The following PRRG4 variants were observed in gnomAD, a reference collection of about 807,000 sequenced individuals.
PRRG4 encodes the protein proline rich and Gla domain 4.
Under a neutral mutation model 20.0 loss-of-function variants are expected in PRRG4, and 12 were observed. The observed-to-expected ratio is 0.60, with a 90% CI of 0.38 to 0.97. The LOEUF (loss-of-function observed/expected upper bound fraction) is 0.97, where lower values mean the gene tolerates loss of function less well. Ranked by LOEUF, PRRG4 falls within the 50% of genes least tolerant of loss-of-function variation. The pLI, the probability that PRRG4 is intolerant of heterozygous loss-of-function variation, is 0.00. For synonymous variants in PRRG4, 94 were observed against 96.4 expected (o/e 0.98, Z 0.15); for missense variants, 199 against 265.1 (o/e 0.75, Z 1.73).
At chr11:32,843,510 C>T (rs1305529343) in intron 5 of PRRG4, among the ~76,000 whole-genome samples, 2 of 151,894 alleles carry the variant, frequency 1.3e-5, no homozygotes, top group South Asian at 2.1e-4. Flanking sequence ...AACCTAATAA[C>T]ATATTTTATG....
intron 5 of PRRG4, among the ~76,000 whole-genome samples, chr11:32,845,501 G>A (rs1030416355): frequency 1.1e-4 from 16 of 152,016 alleles, no homozygotes; most frequent in African/African-American, 3.6e-4. Context: ...GCGTGATGGC[G>A]GGTGCCTGTA....
At chr11:32,847,289 T>C (rs1007939294) in intron 5 of PRRG4, among the ~76,000 whole-genome samples, 1 of 151,748 alleles carries the variant, frequency 6.6e-6, no homozygotes, top group African/African-American at 2.4e-5. Context: ...AAGAGACTAA[T>C]AACCCACGTT....
intron 2 of PRRG4, among the ~76,000 whole-genome samples, chr11:32,833,689 C>T (rs1214931524): frequency 2.0e-5 from 3 of 152,178 alleles, no homozygotes; most frequent in Non-Finnish European, 4.4e-5. Flanking sequence ...CCAAGAGTTT[C>T]CTCCCACTAT....
chr11:32,857,275 C>G lies in PRRG4; in HGVS notation c.*3748C>G, dbSNP rs1158853960. On this transcript the variant is annotated 3_prime_UTR_variant, in exon 6 of 6. Transcript: ENST00000257836. ...CAAGGATTTCTCCTGCCTCAGCCTC[C>G]TGAGTAGCTGCATTACAGGCACCTG... is the stretch of plus-strand genomic sequence containing the variant. 6.6e-6 allele frequency: 1 copy of G among 152,280 alleles called. No homozygotes were observed. Among genetic ancestry groups the G allele is most frequent in the African/African-American group, 2.4e-5 (1 of 41,374 alleles). The allele number at this position is 152,280 out of a possible 1,614,324, so 9.4% of individuals were successfully genotyped here.
At chr11:32,844,793 A>C (rs1851113337) in intron 5 of PRRG4, among the ~76,000 whole-genome samples, 1 of 152,032 alleles carries the variant, frequency 6.6e-6, no homozygotes. Context: ...GAGCCACTGC[A>C]CCCGGCCCAG....
intron 5 of PRRG4, among the ~76,000 whole-genome samples, chr11:32,850,104 T>G (rs180722525): frequency 1.3e-5 from 2 of 152,366 alleles, no homozygotes; most frequent in Non-Finnish European, 2.9e-5. Flanking sequence ...CTTCTTTTCT[T>G]CTTTTTCACC....
chr11:32,832,552 C>G (rs1175017294), intron 2 of PRRG4, among the ~76,000 whole-genome samples: 2 of 144,352 alleles, frequency 1.4e-5, no homozygotes, highest in Non-Finnish European at 3.0e-5. Flanking sequence ...GTGATCACGG[C>G]TCACTGCAAC....
Position 32,840,548 on chromosome 11 carries a change from C to A in PRRG4, c.449+309C>A, listed in dbSNP as rs1851067823. Among the ~76,000 whole-genome samples the A allele has an allele frequency of 1.3e-5, 2 of 152,192 alleles. No homozygotes were observed. The highest frequency in any genetic ancestry group is 2.9e-5 in the Non-Finnish European group (2 of 68,024). On this transcript the variant is annotated intron_variant, in intron 5 of 5. Coordinates refer to ENST00000257836, the MANE Select transcript of PRRG4 (RefSeq NM_024081.6). The surrounding 1 kb of genome is among the most constrained non-coding windows in gnomAD (Gnocchi z 4.1). ...CAGTTTTCCCACTGGTGTTTTCCTT[C>A]TGCTGCAGGATCCAGTCAAGTTACC...
intron 5 of PRRG4, among the ~76,000 whole-genome samples, chr11:32,841,986 A>T (rs1420683304): frequency 2.6e-5 from 4 of 152,204 alleles, no homozygotes; most frequent in African/African-American, 9.6e-5. Flanking sequence ...TGGCATCAAA[A>T]ATTATTTTTA....
In PRRG4 at chr11:32,838,937, CAAG is replaced by C; in HGVS notation, c.316+10_316+12del. Reference sequence around the variant, plus strand: ...GGACCAACCACAAAATCAGGTAAAACAAGAATTGATCAAATTTAATGCTTTTCT... The same window carrying C: ...GGACCAACCACAAAATCAGGTAAAACAATTGATCAAATTTAATGCTTTTCT... On this transcript the variant is annotated splice_region_variant and intron_variant, in intron 4 of 5. Coordinates refer to ENST00000257836, the MANE Select transcript of PRRG4 (RefSeq NM_024081.6). 6.3e-7 allele frequency: 1 copy of C among 1,589,496 alleles called. No individual in the cohort carries two copies. The highest frequency in any genetic ancestry group is 8.6e-7 in the Non-Finnish European group (1 of 1,157,938).
chr11:32,836,411 T>G (rs1346210416), intron 2 of PRRG4, among the ~76,000 whole-genome samples: 1 of 152,172 alleles, frequency 6.6e-6, no homozygotes, highest in African/African-American at 2.4e-5. Flanking sequence ...TAATTTTTAC[T>G]TATACTATTA....
intron 2 of PRRG4, among the ~76,000 whole-genome samples, chr11:32,836,033 C>T (rs1333351111): frequency 6.6e-6 from 1 of 151,956 alleles, no homozygotes; most frequent in Non-Finnish European, 1.5e-5. Flanking sequence ...ACCCAGGAGG[C>T]GGAGATTGCA....
intron 4 of PRRG4, among the ~76,000 whole-genome samples, chr11:32,839,548 T>C (rs925775135): frequency 1.3e-5 from 2 of 151,464 alleles, no homozygotes; most frequent in African/African-American, 4.8e-5. Context: ...TCCCACTTAA[T>C]GCTGAATATT....
chr11:32,842,936 C>T (rs754718428), intron 5 of PRRG4, among the ~76,000 whole-genome samples: 4 of 151,658 alleles, frequency 2.6e-5, no homozygotes, highest in Non-Finnish European at 5.9e-5. Flanking sequence ...ACTGCAACCT[C>T]TGCCTCCTGG....
intron 1 of PRRG4, 21 bp from the exon 2 acceptor site, chr11:32,830,487 A>ATTTT: frequency 7.1e-7 from 1 of 1,406,784 alleles, no homozygotes; most frequent in Non-Finnish European, 9.4e-7. Context: ...TTTTTTTAAT[A>ATTTT]TTTTTTTTTG....
chr11:32,848,730 G>A (rs1851153105), intron 5 of PRRG4, among the ~76,000 whole-genome samples: 2 of 152,022 alleles, frequency 1.3e-5, no homozygotes, highest in Non-Finnish European at 2.9e-5. Context: ...CCAGAACTTT[G>A]GGAGGCCGAG....
intron 4 of PRRG4, among the ~76,000 whole-genome samples, chr11:32,839,421 C>T (rs145227832): frequency 6.6e-6 from 1 of 151,854 alleles, no homozygotes; most frequent in Non-Finnish European, 1.5e-5. Context: ...TTTCATTCCT[C>T]TTAGGTAGGG....
rs1437492520 is a variant in PRRG4, at chr11:32,838,926, A to C, written c.312A>C (p.Lys104Asn). 3.1e-6 allele frequency: 5 copies of C among 1,605,518 alleles called. No individual in the cohort carries two copies. The highest frequency in any genetic ancestry group is 4.3e-6 in the Non-Finnish European group (5 of 1,172,398). Residue 104 changes from lysine (K) to asparagine (N), a missense_variant, in exon 4 of 6, where the codon AAA becomes AAC. Physicochemically the swap from Lys to Asn is moderately conservative, Grantham distance 94. Coordinates refer to ENST00000257836, the MANE Select transcript of PRRG4 (RefSeq NM_024081.6). ...QEYSAKGPTT[K>N]SDGNREKIDV... ...ATTCAGCTAAAGGACCAACCACAAA[A>C]TCAGGTAAAACAAGAATTGATCAAA...
In PRRG4 at chr11:32,830,522, G is replaced by C; in HGVS notation, c.-8G>C. ...GTTTGTTTTAGTTTGTTTGACAGTT[G>C]CCAGACTATGTTTACGCTTCTGGTT... On this transcript the variant is annotated 5_prime_UTR_variant, in exon 2 of 6. Coordinates refer to ENST00000257836, the MANE Select transcript of PRRG4 (RefSeq NM_024081.6). 1 of 1,538,718 alleles carries C rather than the reference G, an allele frequency of 6.5e-7. No individual in the cohort carries two copies. Among genetic ancestry groups the C allele is most frequent in the Non-Finnish European group, 8.7e-7 (1 of 1,149,384 alleles).
Sources: gnomAD v4.1 joint callset for allele counts (sites outside exome capture counted in the v4.1 genomes callset) on GRCh38, gnomAD v4.1.1 for gene constraint, Gnocchi (gnomAD v3.1) non-coding constraint, MANE v1.5 for transcripts, NCBI Gene and HGNC (gene_info 2026-07-23, HGNC 2026-07-21) for gene names.